FGF14: variants seen among roughly 807,000 people sequenced by gnomAD.
FGF14 encodes the protein fibroblast growth factor 14, also known as fibroblast growth factor homologous factor 4.
A neutral mutation model predicts 25.5 loss-of-function variants in FGF14; 5 were observed. That is an observed-to-expected ratio of 0.20 (90% CI 0.10 to 0.41). The LOEUF (loss-of-function observed/expected upper bound fraction) is 0.41, where lower values mean the gene tolerates loss of function less well. Among genes scored for constraint, FGF14 ranks in the 10% least tolerant of loss-of-function variants. The pLI is 1.00. For synonymous variants in FGF14, 138 were observed against 118.3 expected (o/e 1.17, Z -1.08); for missense variants, 222 against 320.1 (o/e 0.69, Z 2.34).
intron 3 of FGF14, among the ~76,000 whole-genome samples, chr13:101,735,593 CT>C (rs531889263): frequency 6.6e-4 from 100 of 151,944 alleles, no homozygotes; most frequent in African/African-American, 2.4e-3. Flanking sequence ...CCTTTTCCCC[CT>C]CACTGATCAA....
chr13:102,255,580 G>A (rs1300139098), intron 1 of FGF14, among the ~76,000 whole-genome samples: 3 of 152,108 alleles, frequency 2.0e-5, no homozygotes, highest in Non-Finnish European at 2.9e-5. Flanking sequence ...GTCCTATGAT[G>A]GAAGATTTAC....
At chr13:102,019,636 T>C (rs1251277748) in intron 1 of FGF14, among the ~76,000 whole-genome samples, 1 of 152,194 alleles carries the variant, frequency 6.6e-6, no homozygotes, top group African/African-American at 2.4e-5. Context: ...TTTTAAAGCA[T>C]ACTGATTAAA....
At chr13:101,850,311 G>A (rs1430954064) in intron 3 of FGF14, among the ~76,000 whole-genome samples, 1 of 142,524 alleles carries the variant, frequency 7.0e-6, no homozygotes, top group African/African-American at 2.6e-5. Flanking sequence ...AAAAATAGCC[G>A]GGCATAGTGG....
chr13:102,188,996 GAA>G (rs2048995348), intron 1 of FGF14, among the ~76,000 whole-genome samples: 7 of 81,448 alleles, frequency 8.6e-5, no homozygotes, highest in Admixed American at 5.6e-4. Context: ...AAGAAAGAAA[GAA>G]AGAAAGAAAG....
chr13:102,313,611 G>T (rs1167099336), intron 1 of FGF14, among the ~76,000 whole-genome samples: 1 of 152,118 alleles, frequency 6.6e-6, no homozygotes, highest in Non-Finnish European at 1.5e-5. Flanking sequence ...GGGCAGGGGA[G>T]GGGGGTAAGA....
chr13:102,174,741 A>G (rs543344038), intron 1 of FGF14, among the ~76,000 whole-genome samples: 1 of 152,162 alleles, frequency 6.6e-6, no homozygotes, highest in African/African-American at 2.4e-5. Context: ...ATGGACATAA[A>G]TAGGGGAACA....
rs545733527 is a variant in FGF14, at chr13:101,915,963, G to A, written c.193+490C>T. Reference sequence around the variant, plus strand: ...GCAGCTCCCGCTGGGGGCACCGCCAGGATATCCACATTTGTCCAAGGTCTG... The same window carrying A: ...GCAGCTCCCGCTGGGGGCACCGCCAAGATATCCACATTTGTCCAAGGTCTG... On this transcript the variant is annotated intron_variant, in intron 1 of 4. Transcript: ENST00000376143. Among the ~76,000 whole-genome samples the A allele has an allele frequency of 2.0e-5, 3 of 152,308 alleles. No individual in the cohort carries two copies. The South Asian group carries it at 6.2e-4, about 32-fold the overall frequency.
At chr13:101,796,913 C>G (rs965999403) in intron 3 of FGF14, among the ~76,000 whole-genome samples, 5 of 152,018 alleles carry the variant, frequency 3.3e-5, no homozygotes, top group African/African-American at 1.2e-4. Context: ...TTTCTATGTC[C>G]AGATTAATCA....
intron 1 of FGF14, among the ~76,000 whole-genome samples, chr13:102,383,821 C>T (rs981399307): frequency 1.3e-5 from 2 of 151,904 alleles, no homozygotes; most frequent in Admixed American, 6.6e-5. Flanking sequence ...GGGCCAAGCG[C>T]ACTCTCCTTC....
intron 1 of FGF14, among the ~76,000 whole-genome samples, chr13:101,936,930 A>G (rs1421253041): frequency 5.9e-5 from 9 of 152,204 alleles, no homozygotes; most frequent in Non-Finnish European, 8.8e-5. Context: ...TATAGAAGCA[A>G]ATCAGTTTAA....
At chr13:101,981,362 C>T (rs1243094899) in intron 1 of FGF14, among the ~76,000 whole-genome samples, 4 of 152,094 alleles carry the variant, frequency 2.6e-5, no homozygotes, top group Non-Finnish European at 4.4e-5. Flanking sequence ...GTGCCATCTA[C>T]GAACCAGGAA....
At chr13:102,099,721 A>G (rs1351016860) in intron 1 of FGF14, among the ~76,000 whole-genome samples, 1 of 152,082 alleles carries the variant, frequency 6.6e-6, no homozygotes, top group Non-Finnish European at 1.5e-5. Context: ...AAGATGCACT[A>G]TTTATTATTA....
upstream of FGF14, among the ~76,000 whole-genome samples, chr13:101,920,003 G>T (rs2033882522): frequency 6.6e-6 from 1 of 152,146 alleles, no homozygotes; most frequent in African/African-American, 2.4e-5. Flanking sequence ...GGAGAGGGGG[G>T]CAGCATTGGG....
rs540041141 is a variant in FGF14, at chr13:101,909,461, C to T, written c.193+6992G>A. Among the ~76,000 whole-genome samples, 16 of 152,284 alleles carry T rather than the reference C, an allele frequency of 1.1e-4. No individual in the cohort carries two copies. In the South Asian group the frequency reaches 3.3e-3, roughly 32 times the overall value. On this transcript the variant is annotated intron_variant, in intron 1 of 4. Transcript: ENST00000376143. ...TGAACAGACACTTCTCAAAAGAAGA[C>T]ATTTATGCAGCCAAAAGACACGTGA...
At chr13:102,235,275 C>T (rs150936187) in intron 1 of FGF14, among the ~76,000 whole-genome samples, 15 of 152,210 alleles carry the variant, frequency 9.9e-5, no homozygotes, top group Non-Finnish European at 1.8e-4. Flanking sequence ...TATTAAAATT[C>T]CAGTGTGTCA....
intron 3 of FGF14, among the ~76,000 whole-genome samples, chr13:101,825,567 A>G (rs2042358042): frequency 6.6e-6 from 1 of 152,204 alleles, no homozygotes; most frequent in Non-Finnish European, 1.5e-5. Flanking sequence ...AGTATGGTAT[A>G]ATACTCATCA....
chr13:102,340,777 T>C lies in FGF14; in HGVS notation c.208+60694A>G, dbSNP rs972129089. Among the ~76,000 whole-genome samples the C allele has an allele frequency of 1.5e-4, 23 of 152,196 alleles. 1 individual carries two copies. Among genetic ancestry groups the C allele is most frequent in the Non-Finnish European group, 2.9e-4 (20 of 68,024 alleles). ...GGCAAGGTAATCAGTTAAATTACCA[T>C]GATGAATGTACTTTCGTGGGCTTTC... On this transcript the variant is annotated intron_variant, in intron 1 of 4. Coordinates refer to the FGF14 transcript ENST00000376131.
rs551971081 is a variant in FGF14, at chr13:101,811,838, G to A, written c.408+56887C>T. 1.6e-4 allele frequency among the ~76,000 whole-genome samples: 24 copies of A among 152,270 alleles called. No individual in the cohort carries two copies. In the South Asian group the frequency reaches 5.0e-3, roughly 32 times the overall value. On this transcript the variant is annotated intron_variant, in intron 3 of 4. Transcript: ENST00000376143. ...AGTGGTAGCAAACTGCTGTTTGAATGAGCCTCACTGGTTCATCTCTAACAG... is the reference window on the plus strand; with the variant it reads ...AGTGGTAGCAAACTGCTGTTTGAATAAGCCTCACTGGTTCATCTCTAACAG...
chr13:101,944,219 G>A lies in FGF14; in HGVS notation c.209-68923C>T, dbSNP rs545210574. 3.3e-5 allele frequency among the ~76,000 whole-genome samples: 5 copies of A among 152,250 alleles called. No homozygotes were observed. In the East Asian group the frequency reaches 9.7e-4, roughly 29 times the overall value. ...GTTTTCTTTATCTATTAGAAAAGAGGAATGGATAGGGAATTTCTACTTTAT... is the reference window on the plus strand; with the variant it reads ...GTTTTCTTTATCTATTAGAAAAGAGAAATGGATAGGGAATTTCTACTTTAT... On this transcript the variant is annotated intron_variant, in intron 1 of 4. Coordinates refer to the FGF14 transcript ENST00000376131.
Sources: allele counts gnomAD v4.1 joint callset (sites outside exome capture counted in the v4.1 genomes callset), GRCh38; gene constraint gnomAD v4.1.1; transcripts MANE v1.5; gene names NCBI Gene and HGNC (gene_info 2026-07-23, HGNC 2026-07-21).